Variants in KSR2 observed in about 807,000 individuals in gnomAD.
The protein encoded by KSR2 is kinase suppressor of ras 2.
In KSR2, 25 loss-of-function variants were observed where a neutral mutation model predicts 107.8. The ratio of observed to expected loss-of-function variants is 0.23; its 90% CI spans 0.17 to 0.32. The LOEUF is 0.32. KSR2 is among the 10% of genes least tolerant of loss of function. The probability of loss-of-function intolerance (pLI) is 1.00; values close to 1 mark genes in which losing one functional copy is unlikely to be tolerated. For synonymous variants in KSR2, 480 were observed against 507.0 expected (o/e 0.95, Z 0.71); for missense variants, 887 against 1,268.9 (o/e 0.70, Z 4.57).
At chr12:117,754,130 T>C (rs501119) in intron 4 of KSR2, among the ~76,000 whole-genome samples, 135,900 of 152,154 alleles carry the variant, frequency 0.89, 60,963 homozygotes, top group African/African-American at 0.97. Flanking sequence ...AGACTAATCA[T>C]AGCAGTTCTA....
chr12:117,666,665 G>T (rs973648609), intron 5 of KSR2, among the ~76,000 whole-genome samples: 2 of 152,224 alleles, frequency 1.3e-5, no homozygotes, highest in African/African-American at 4.8e-5. Context: ...TCTCAGAGCA[G>T]CAACACAACG....
At chr12:117,859,877 T>C (rs1257093564) in intron 2 of KSR2, among the ~76,000 whole-genome samples, 1 of 152,260 alleles carries the variant, frequency 6.6e-6, no homozygotes, top group East Asian at 1.9e-4. Flanking sequence ...CATCGTTCGA[T>C]ATGGCAGCCA....
chr12:117,870,587 C>T lies in KSR2; in HGVS notation c.181-10156G>A, dbSNP rs764099952. ...GTACTCCAGCCTGGGCAAGACGGAG[C>T]GAGACACTGTCTCAAAAAGAAAAGA... On this transcript the variant is annotated intron_variant, in intron 1 of 19. Transcript: ENST00000339824. 4.0e-5 allele frequency among the ~76,000 whole-genome samples: 6 copies of T among 151,522 alleles called. No homozygotes were observed. In the East Asian group the frequency reaches 5.8e-4, roughly 15 times the overall value.
intron 5 of KSR2, among the ~76,000 whole-genome samples, chr12:117,652,911 T>C (rs1044995494): frequency 2.0e-5 from 3 of 152,176 alleles, no homozygotes; most frequent in Admixed American, 6.5e-5. Flanking sequence ...TTGATTGGCA[T>C]AGACATACTC....
intron 5 of KSR2, among the ~76,000 whole-genome samples, chr12:117,652,307 G>A (rs1314817011): frequency 6.6e-6 from 1 of 151,922 alleles, no homozygotes; most frequent in Non-Finnish European, 1.5e-5. Flanking sequence ...ATAACTTATG[G>A]AAAAAATAAA....
At chr12:117,811,695 G>C (rs925112712) in intron 3 of KSR2, among the ~76,000 whole-genome samples, 1 of 152,276 alleles carries the variant, frequency 6.6e-6, no homozygotes. Context: ...AGAGTTTACC[G>C]GGACTCTGGT....
At chr12:117,712,840 A>G (rs372437156) in intron 4 of KSR2, among the ~76,000 whole-genome samples, 1 of 152,150 alleles carries the variant, frequency 6.6e-6, no homozygotes, top group African/African-American at 2.4e-5. Context: ...TACCTAGGTA[A>G]ATAGATATAG....
intron 3 of KSR2, among the ~76,000 whole-genome samples, chr12:117,813,452 T>A (rs995684284): frequency 6.6e-6 from 1 of 152,060 alleles, no homozygotes; most frequent in Non-Finnish European, 1.5e-5. Flanking sequence ...AAAATAATGA[T>A]AATCTGATTA....
chr12:117,530,970 G>A lies in KSR2; in HGVS notation c.1773C>T (p.Val591=), dbSNP rs746357015. The change falls in exon 12 of 20, where the codon GTC becomes GTT. Residue 591 remains valine (V), a synonymous_variant. Transcript: ENST00000339824. ...VPETPTRAPQ[V]ILHPVTSNPI... is the part of the protein sequence containing the mutation. ...GATTCGAGGTCACCGGATGCAGGAT[G>A]ACCTGGGGCGCCCGGGTCGGCGTCT... 4.3e-6 allele frequency: 7 copies of A among 1,613,766 alleles called. No individual in the cohort carries two copies. In the East Asian group the frequency reaches 1.3e-4, roughly 31 times the overall value.
At chr12:117,622,963 A>G (rs918588205) in intron 5 of KSR2, among the ~76,000 whole-genome samples, 1 of 152,196 alleles carries the variant, frequency 6.6e-6, no homozygotes, top group Admixed American at 6.5e-5. Context: ...CATGCACTCC[A>G]ATGGAGGAAG....
At chr12:117,750,291 T>G (rs1888570764) in intron 4 of KSR2, among the ~76,000 whole-genome samples, 1 of 147,994 alleles carries the variant, frequency 6.8e-6, no homozygotes, top group African/African-American at 2.5e-5. Flanking sequence ...TTATGCAGAG[T>G]AATAATAATA....
At chr12:117,925,851 G>A (rs1895500019) in intron 1 of KSR2, among the ~76,000 whole-genome samples, 1 of 152,120 alleles carries the variant, frequency 6.6e-6, no homozygotes, top group Non-Finnish European at 1.5e-5. Context: ...ACGGGACAGG[G>A]CCCAATGTAG....
At chr12:117,926,257 C>A (rs1024841837) in intron 1 of KSR2, among the ~76,000 whole-genome samples, 1 of 152,158 alleles carries the variant, frequency 6.6e-6, no homozygotes, top group East Asian at 1.9e-4. Flanking sequence ...CCCATCCCAG[C>A]CTTGGTTTTC....
In KSR2 at chr12:117,897,130, G is replaced by A. The variant is rs917446606; in HGVS notation, c.181-36699C>T. Among the ~76,000 whole-genome samples the A allele has an allele frequency of 5.3e-5, 8 of 152,160 alleles. No individual in the cohort carries two copies. The highest frequency in any genetic ancestry group is 1.4e-4 in the African/African-American group (6 of 41,448). ...CTGATGTTCAGCTTGAGGGAGTAGC[G>A]GAGCAGCCACGTGTTCGTCATCAGG... On this transcript the variant is annotated intron_variant, in intron 1 of 19. Transcript: ENST00000339824. This position sits in a 1 kb window ranked among gnomAD's most constrained non-coding sequence, Gnocchi z 4.5.
chr12:117,712,927 A>G (rs1477541237), intron 4 of KSR2, among the ~76,000 whole-genome samples: 1 of 151,992 alleles, frequency 6.6e-6, no homozygotes, highest in Non-Finnish European at 1.5e-5. Context: ...GAAGCAAGAT[A>G]CAGATATATC....
intron 3 of KSR2, among the ~76,000 whole-genome samples, chr12:117,778,871 T>C (rs1889786237): frequency 6.6e-6 from 1 of 152,242 alleles, no homozygotes; most frequent in African/African-American, 2.4e-5. Context: ...AGGCATTATA[T>C]TAGTTTTATA....
chr12:117,516,126 G>T (rs1405966718), intron 14 of KSR2, among the ~76,000 whole-genome samples: 1 of 152,082 alleles, frequency 6.6e-6, no homozygotes, highest in African/African-American at 2.4e-5. Flanking sequence ...GCTTCAGGTG[G>T]TCTGGGCTTC....
intron 4 of KSR2, among the ~76,000 whole-genome samples, chr12:117,732,064 G>A (rs1887746902): frequency 6.6e-6 from 1 of 150,784 alleles, no homozygotes; most frequent in Non-Finnish European, 1.5e-5. Context: ...TGAAATCAAA[G>A]CTGGTGTCAA....
At chr12:117,837,103 C>A (rs1204525473) in intron 3 of KSR2, among the ~76,000 whole-genome samples, 4 of 152,142 alleles carry the variant, frequency 2.6e-5, no homozygotes, top group Non-Finnish European at 2.9e-5. Flanking sequence ...CAGCAAGGCC[C>A]CGTCGGAGTA....
Sources: gnomAD v4.1 joint callset for allele counts (sites outside exome capture counted in the v4.1 genomes callset) on GRCh38, gnomAD v4.1.1 for gene constraint, Gnocchi (gnomAD v3.1) non-coding constraint, MANE v1.5 for transcripts, NCBI Gene and HGNC (gene_info 2026-07-23, HGNC 2026-07-21) for gene names.